CSN3: variants seen among roughly 807,000 people sequenced by gnomAD.
The protein encoded by CSN3 is casein kappa, also known as kappa-casein.
CSN3 carries 7 observed loss-of-function variants against 9.9 expected under a neutral mutation model. The observed-to-expected ratio is 0.71, with a 90% CI of 0.40 to 1.33. The LOEUF (loss-of-function observed/expected upper bound fraction) is 1.33, where lower values mean the gene tolerates loss of function less well. CSN3 is among the 40% of genes most tolerant of loss of function. The probability of loss-of-function intolerance (pLI) is 0.01; values close to 1 mark genes in which losing one functional copy is unlikely to be tolerated. For synonymous variants in CSN3, 88 were observed against 82.3 expected, an observed-to-expected ratio of 1.07 and a Z score of -0.37; for missense variants, 253 against 227.9, an observed-to-expected ratio of 1.11 and a Z score of -0.71.
chr4:70,240,056 A>G (rs1202581199), upstream of CSN3, among the ~76,000 whole-genome samples: 2 of 151,996 alleles, frequency 1.3e-5, no homozygotes, highest in African/African-American at 4.8e-5. Context: ...GGTACTAATG[A>G]AGTGGCTGAG....
At chr4:70,240,902 T>C (rs961823635), upstream of CSN3, among the ~76,000 whole-genome samples, 1 of 151,998 alleles carries the variant, frequency 6.6e-6, no homozygotes, top group African/African-American at 2.4e-5. Flanking sequence ...AAAGCTACAT[T>C]AGTATTTGAA....
At chr4:70,248,865 TG>T in intron 3 of CSN3, 132 bp from the exon 4 acceptor site, 1 of 497,004 alleles carries the variant, frequency 2.0e-6, no homozygotes, top group Non-Finnish European at 3.5e-6. Context: ...AAAATAATAT[TG>T]CTGCTGGGTT....
upstream of CSN3, among the ~76,000 whole-genome samples, chr4:70,242,132 G>T (rs1029309892): frequency 1.3e-5 from 2 of 151,710 alleles, no homozygotes; most frequent in African/African-American, 4.8e-5. Context: ...AGTTTAAATA[G>T]ATAGGATAAG....
At chr4:70,248,290 G>A (rs999833315) in intron 3 of CSN3, among the ~76,000 whole-genome samples, 3 of 151,900 alleles carry the variant, frequency 2.0e-5, no homozygotes, top group Admixed American at 1.3e-4. Context: ...AATGTGTCTC[G>A]TTTTAGGAGA....
intron 3 of CSN3, 61 bp downstream of exon 3, chr4:70,247,911 T>A: frequency 3.1e-6 from 4 of 1,278,804 alleles, no homozygotes; most frequent in Non-Finnish European, 4.4e-6. Flanking sequence ...TCTGCAAAGG[T>A]CAATTGTATT....
At chr4:70,247,069 T>C (rs930329318) in intron 2 of CSN3, among the ~76,000 whole-genome samples, 2 of 152,206 alleles carry the variant, frequency 1.3e-5, no homozygotes, top group Non-Finnish European at 2.9e-5. Flanking sequence ...TTCTCAATTT[T>C]CTGATTTTCT....
chr4:70,245,272 C>T (rs1347201828), intron 2 of CSN3, among the ~76,000 whole-genome samples: 1 of 152,018 alleles, frequency 6.6e-6, no homozygotes, highest in African/African-American at 2.4e-5. Flanking sequence ...CCTGTCTCAC[C>T]CAGACTCCAA....
Position 70,249,291 on chromosome 4 carries a change from TA to T in CSN3, c.385del (p.Ile129Ter). Reference sequence around the variant, plus strand: ...CCATCCCCCCAAAGAAAATTCAGGATAAAATAATCATCCCTACCATCAATAC... The same window carrying T: ...CCATCCCCCCAAAGAAAATTCAGGATAAATAATCATCCCTACCATCAATAC... On this transcript the variant is annotated frameshift_variant, in exon 4 of 5. Coordinates refer to ENST00000304954, the Ensembl canonical transcript of CSN3. LOFTEE classifies it low-confidence loss of function (END_TRUNC). 1 of 1,613,994 alleles carries T rather than the reference TA, an allele frequency of 6.2e-7. No homozygotes were observed. The highest frequency in any genetic ancestry group is 8.5e-7 in the Non-Finnish European group (1 of 1,179,980).
chr4:70,247,974 A>G, intron 3 of CSN3, 124 bp downstream of exon 3: 1 of 596,362 alleles, frequency 1.7e-6, no homozygotes, highest in Non-Finnish European at 2.7e-6. Flanking sequence ...AAACAATCTA[A>G]TAATATTTGC....
chr4:70,246,703 G>T (rs1028482368), intron 2 of CSN3, among the ~76,000 whole-genome samples: 1 of 133,528 alleles, frequency 7.5e-6, no homozygotes, highest in Non-Finnish European at 1.5e-5. Flanking sequence ...ACAGAGTCTC[G>T]CTTGGTCGCC....
rs375738375 is a variant in CSN3, at chr4:70,246,264, A to G, written c.54+1391A>G. 4.8e-4 allele frequency among the ~76,000 whole-genome samples: 73 copies of G among 152,292 alleles called. 2 individuals carry two copies. The South Asian group carries it at 0.013, about 28-fold the overall frequency. Reference sequence around the variant, plus strand: ...CACATAGCCTATTGGTGACATTATAATTTGACACAACTTTTCTATACCACA... The same window carrying G: ...CACATAGCCTATTGGTGACATTATAGTTTGACACAACTTTTCTATACCACA... On this transcript the variant is annotated intron_variant, in intron 2 of 4. Coordinates refer to ENST00000304954, the Ensembl canonical transcript of CSN3.
intron 2 of CSN3, among the ~76,000 whole-genome samples, chr4:70,246,908 A>G (rs750780626): frequency 1.3e-4 from 20 of 151,926 alleles, no homozygotes; most frequent in African/African-American, 4.8e-5. Flanking sequence ...CTGACCTCAG[A>G]TGATCCACCC....
intron 1 of CSN3, 65 bp downstream of exon 1, chr4:70,242,730 T>C (rs190970964): frequency 2.0e-5 from 3 of 152,222 alleles, no homozygotes; most frequent in East Asian, 1.9e-4. Flanking sequence ...GACATCACCA[T>C]AGTTATTTCA....
exon 4 of CSN3, chr4:70,249,360 A>T (rs765579689): frequency 6.2e-7 from 1 of 1,614,100 alleles, no homozygotes; most frequent in Non-Finnish European, 8.5e-7. Flanking sequence ...CCACTGAACC[A>T]ACGGTGGACA....
chr4:70,249,379 A>G, exon 4 of CSN3: 2 of 1,614,036 alleles, frequency 1.2e-6, no homozygotes, highest in South Asian at 1.1e-5. Context: ...CAGTGTAGTC[A>G]CTCCAGAAGC....
upstream of CSN3, among the ~76,000 whole-genome samples, chr4:70,240,435 T>G (rs1009775537): frequency 1.3e-5 from 2 of 151,984 alleles, no homozygotes; most frequent in African/African-American, 4.8e-5. Context: ...GCCATGCCCC[T>G]GTTGATGGAT....
At chr4:70,248,691 A>G (rs983497047) in intron 3 of CSN3, among the ~76,000 whole-genome samples, 1 of 152,136 alleles carries the variant, frequency 6.6e-6, no homozygotes, top group African/African-American at 2.4e-5. Context: ...TAGCTAACAT[A>G]TAAGATCACT....
At chr4:70,240,175 C>T (rs997890939), upstream of CSN3, among the ~76,000 whole-genome samples, 1 of 149,544 alleles carries the variant, frequency 6.7e-6, no homozygotes, top group African/African-American at 2.4e-5. Context: ...AACAGAATAA[C>T]AAGAAGTTGT....
intron 4 of CSN3, among the ~76,000 whole-genome samples, chr4:70,250,053 T>C (rs1200767190): frequency 2.0e-5 from 3 of 152,174 alleles, no homozygotes; most frequent in African/African-American, 7.2e-5. Context: ...GATAAACCCA[T>C]GGAAGAATTA....
Sources: allele counts gnomAD v4.1 joint callset (sites outside exome capture counted in the v4.1 genomes callset), GRCh38; gene constraint gnomAD v4.1.1; transcripts MANE v1.5; gene names NCBI Gene and HGNC (gene_info 2026-07-23, HGNC 2026-07-21).